Variants in COL4A2 observed in about 807,000 individuals in gnomAD.
COL4A2 encodes the protein collagen alpha-2(IV) chain.
A neutral mutation model predicts 200.2 loss-of-function variants in COL4A2; 99 were observed. The observed-to-expected ratio is 0.49, with a 90% confidence interval of 0.42 to 0.58. COL4A2 has a LOEUF of 0.58. Among genes scored for constraint, COL4A2 ranks in the 20% least tolerant of loss-of-function variants. COL4A2 has a pLI of 0.00. For missense variants in COL4A2, 1,950 were observed against 2,314.1 expected (o/e 0.84, Z 3.23); for synonymous variants, 897 against 900.6 (o/e 1.00, Z 0.07).
intron 4 of COL4A2, among the ~76,000 whole-genome samples, chr13:110,394,072 G>T (rs538080739): frequency 1.3e-5 from 2 of 152,252 alleles, no homozygotes; most frequent in South Asian, 4.1e-4. Flanking sequence ...AAGCATGAGA[G>T]AAAATCCATG....
chr13:110,412,811 T>C (rs1206740732), intron 4 of COL4A2, among the ~76,000 whole-genome samples: 2 of 152,328 alleles, frequency 1.3e-5, no homozygotes, highest in African/African-American at 2.4e-5. Context: ...TCCCAGCAGA[T>C]GGTCTGATGT....
intron 36 of COL4A2, among the ~76,000 whole-genome samples, chr13:110,490,390 A>T (rs1883249908): frequency 6.6e-6 from 1 of 152,210 alleles, no homozygotes; most frequent in South Asian, 2.1e-4. Context: ...ACACTGCTCA[A>T]GTTGCTGGAG....
At chr13:110,335,461 CTT>C (rs1876135147) in intron 3 of COL4A2, among the ~76,000 whole-genome samples, 1 of 152,188 alleles carries the variant, frequency 6.6e-6, no homozygotes, top group African/African-American at 2.4e-5. Context: ...ATCACTCTCT[CTT>C]GTCTGCCACC....
chr13:110,454,222 T>C (rs746122013), intron 20 of COL4A2, among the ~76,000 whole-genome samples: 9 of 152,080 alleles, frequency 5.9e-5, no homozygotes, highest in Non-Finnish European at 1.3e-4. Flanking sequence ...GTTGCAAACA[T>C]CTAAGAGGCA....
chr13:110,343,799 C>T (rs1271085162), intron 3 of COL4A2, among the ~76,000 whole-genome samples: 3 of 152,206 alleles, frequency 2.0e-5, no homozygotes, highest in Non-Finnish European at 2.9e-5. Flanking sequence ...TCATTCCATG[C>T]TTTTCAGATT....
chr13:110,362,173 T>C (rs1877546783), intron 4 of COL4A2, among the ~76,000 whole-genome samples: 1 of 152,192 alleles, frequency 6.6e-6, no homozygotes, highest in Non-Finnish European at 1.5e-5. Flanking sequence ...TCTAACCACT[T>C]CTTCAGTTGT....
intron 43 of COL4A2, 140 bp from the exon 44 acceptor site, chr13:110,503,707 G>A: frequency 1.9e-6 from 2 of 1,035,336 alleles, no homozygotes; most frequent in Non-Finnish European, 2.9e-6. Flanking sequence ...AGGCCCGTTA[G>A]TGTCTGGCTC....
chr13:110,439,686 A>G lies in COL4A2; in HGVS notation c.913-103A>G, dbSNP rs76876092. 2,596 of 1,577,116 alleles carry G rather than the reference A, an allele frequency of 1.6e-3. 22 individuals are homozygous for G. In the African/African-American group the frequency reaches 0.023, roughly 14 times the overall value. ...GACCTGAGACTTGTTCAATCTGTCC[A>G]TCGGCATTTTGCTGTGATCACAGCC... On this transcript the variant is annotated intron_variant, in intron 15 of 47. Coordinates refer to ENST00000360467, the MANE Select transcript of COL4A2 (RefSeq NM_001846.4).
chr13:110,392,848 A>G (rs1050403778), intron 4 of COL4A2, among the ~76,000 whole-genome samples: 1 of 152,238 alleles, frequency 6.6e-6, no homozygotes, highest in Admixed American at 6.5e-5. Context: ...ACAATTTAGG[A>G]CCAAGAAAGT....
intron 38 of COL4A2, 41 bp downstream of exon 38, chr13:110,492,218 C>G (rs421177): frequency 6.5e-7 from 1 of 1,527,932 alleles, no homozygotes; most frequent in Non-Finnish European, 8.9e-7. Context: ...GACCCAGAGT[C>G]GTGGGCTGTG....
intron 40 of COL4A2, among the ~76,000 whole-genome samples, chr13:110,496,393 C>T (rs569358595): frequency 6.6e-6 from 1 of 152,324 alleles, no homozygotes; most frequent in South Asian, 2.1e-4. Context: ...TCCAGAATCC[C>T]CTAGCCTCAG....
At chr13:110,490,667 C>T (rs768494433) in intron 36 of COL4A2, among the ~76,000 whole-genome samples, 9 of 152,162 alleles carry the variant, frequency 5.9e-5, no homozygotes, top group African/African-American at 1.4e-4. Context: ...AGCCATCCGG[C>T]GCTGGGCTGG....
At chr13:110,316,969 G>A (rs138329402) in intron 3 of COL4A2, among the ~76,000 whole-genome samples, 7 of 152,016 alleles carry the variant, frequency 4.6e-5, no homozygotes, top group Non-Finnish European at 1.0e-4. Context: ...AGATAAAAGA[G>A]AGAGAGAACA....
At position 110,512,580 on chromosome 13, in the gene COL4A2, C is replaced by T. The variant is rs977255099; in HGVS notation, c.*389C>T. ...AGACAACAGCACACAGGCAGCCAGC[C>T]GTGGCCAGAGGCTCGAGGGGCTCAG... On this transcript the variant is annotated 3_prime_UTR_variant, in exon 48 of 48. Coordinates refer to ENST00000360467, the MANE Select transcript of COL4A2 (RefSeq NM_001846.4). The T allele has an allele frequency of 4.9e-6, 1 of 204,588 alleles. No individual in the cohort carries two copies. Among genetic ancestry groups the T allele is most frequent in the Non-Finnish European group, 9.8e-6 (1 of 102,198 alleles). The allele number at this position is 204,588 out of a possible 1,614,324, so 12.7% of individuals were successfully genotyped here.
intron 4 of COL4A2, among the ~76,000 whole-genome samples, chr13:110,412,994 G>A (rs950659714): frequency 3.3e-5 from 5 of 152,148 alleles, no homozygotes; most frequent in African/African-American, 9.7e-5. Flanking sequence ...TCCACTGGGC[G>A]GGCACAGGGC....
chr13:110,440,946 G>A (rs1419907285), intron 16 of COL4A2, among the ~76,000 whole-genome samples: 2 of 152,198 alleles, frequency 1.3e-5, no homozygotes, highest in Non-Finnish European at 2.9e-5. Context: ...GTTCCAAGTC[G>A]GCAGGTACAC....
intron 4 of COL4A2, among the ~76,000 whole-genome samples, chr13:110,379,247 G>A (rs1566501572): frequency 2.0e-5 from 3 of 152,208 alleles, no homozygotes; most frequent in Admixed American, 6.5e-5. Context: ...GGACAGCCCC[G>A]TGAAGAAGAA....
In COL4A2 at chr13:110,507,981, G is replaced by A; in HGVS notation, c.4641G>A (p.Leu1547=). ...CLARFSTMPF[L]YCNPGDVCYY... ...CGCGGTTCAGCACCATGCCCTTCCTGTACTGCAACCCTGGTGATGTCTGCT... is the reference window on the plus strand; with the variant it reads ...CGCGGTTCAGCACCATGCCCTTCCTATACTGCAACCCTGGTGATGTCTGCT... The change falls in exon 47 of 48, where the codon CTG becomes CTA. Residue 1547 remains leucine, a synonymous_variant. Coordinates refer to ENST00000360467, the MANE Select transcript of COL4A2 (RefSeq NM_001846.4). 1 of 1,614,174 alleles carries A rather than the reference G, an allele frequency of 6.2e-7. No individual in the cohort carries two copies. The highest frequency in any genetic ancestry group is 8.5e-7 in the Non-Finnish European group (1 of 1,180,022).
At chr13:110,355,933 G>A (rs4771671) in intron 3 of COL4A2, among the ~76,000 whole-genome samples, 104,309 of 138,554 alleles carry the variant, frequency 0.75, 41,554 homozygotes, top group Non-Finnish European at 0.86. Context: ...GCTCACCTGT[G>A]GAATGAAGGT....
Sources: gnomAD v4.1 joint callset for allele counts (sites outside exome capture counted in the v4.1 genomes callset) on GRCh38, gnomAD v4.1.1 for gene constraint, MANE v1.5 for transcripts, NCBI Gene and HGNC (gene_info 2026-07-23, HGNC 2026-07-21) for gene names.